PEX5L: variants seen among roughly 807,000 people sequenced by gnomAD.
PEX5L encodes the protein peroxisomal biogenesis factor 5 like.
PEX5L carries 30 observed loss-of-function variants against 84.0 expected under a neutral mutation model. The ratio of observed to expected loss-of-function variants is 0.36; its 90% CI spans 0.27 to 0.48. The LOEUF (loss-of-function observed/expected upper bound fraction) is 0.48. Ranked by LOEUF, PEX5L falls within the 20% of genes least tolerant of loss-of-function variation. PEX5L has a pLI of 0.99. For synonymous variants in PEX5L, 270 were observed against 283.1 expected (o/e 0.95, Z 0.46); for missense variants, 533 against 754.6 (o/e 0.71, Z 3.44).
At chr3:179,814,539 C>T (rs1015301381) in intron 10 of PEX5L, among the ~76,000 whole-genome samples, 5 of 152,116 alleles carry the variant, frequency 3.3e-5, no homozygotes, top group Admixed American at 1.3e-4. Context: ...GTATATATAC[C>T]GGTCGCTACA....
chr3:179,895,462 T>C (rs954676718), intron 3 of PEX5L: 5 of 152,160 alleles, frequency 3.3e-5, no homozygotes, highest in African/African-American at 1.2e-4. Flanking sequence ...CTATTTGATT[T>C]AAGTGTTAGT....
In PEX5L at chr3:179,799,920, G is replaced by A. The variant is rs574349146; in HGVS notation, c.*1908C>T. ...GGGTGGTCGCTGCTACCCATGATGA[G>A]TGCCTGAATGCCTCTGCCTTCTGCT... is the stretch of plus-strand genomic sequence containing the variant. On this transcript the variant is annotated 3_prime_UTR_variant, in exon 15 of 15. Transcript: ENST00000467460. 1.3e-5 allele frequency: 2 copies of A among 152,326 alleles called. No individual in the cohort carries two copies. Among genetic ancestry groups the A allele is most frequent in the East Asian group, 3.9e-4 (2 of 5,192 alleles). The allele number at this position is 152,326 out of a possible 1,614,324, so 9.4% of individuals were successfully genotyped here. A position where few individuals can be genotyped will look rare whatever the true frequency, so the allele number is the denominator to read the frequency against.
intron 2 of PEX5L, among the ~76,000 whole-genome samples, chr3:179,950,884 T>A (rs1288058083): frequency 6.6e-6 from 1 of 152,138 alleles, no homozygotes; most frequent in African/African-American, 2.4e-5. Context: ...AACGGAGACG[T>A]AAGAGGAGGC....
At chr3:179,919,058 A>G (rs935114171) in intron 2 of PEX5L, among the ~76,000 whole-genome samples, 1 of 152,142 alleles carries the variant, frequency 6.6e-6, no homozygotes, top group Non-Finnish European at 1.5e-5. Context: ...ATTTCATTCT[A>G]TGCTCTAGTG....
chr3:179,960,774 A>G (rs4855129), intron 2 of PEX5L, among the ~76,000 whole-genome samples: 67,414 of 152,048 alleles, frequency 0.44, 16,167 homozygotes, highest in East Asian at 0.89. Context: ...GATTAATGAA[A>G]TCCATCAACT....
chr3:179,893,082 C>A (rs369367709), intron 3 of PEX5L, among the ~76,000 whole-genome samples: 12 of 152,094 alleles, frequency 7.9e-5, no homozygotes, highest in African/African-American at 2.9e-4. Context: ...AATCAGAATG[C>A]AAAAGACTAT....
chr3:179,919,648 C>T (rs1263548792), intron 2 of PEX5L, among the ~76,000 whole-genome samples: 2 of 152,134 alleles, frequency 1.3e-5, no homozygotes, highest in Non-Finnish European at 2.9e-5. Context: ...CAGGCACTTC[C>T]ACACTCAACT....
intron 14 of PEX5L, among the ~76,000 whole-genome samples, chr3:179,807,228 C>T (rs1034218238): frequency 2.0e-5 from 3 of 151,568 alleles, no homozygotes; most frequent in African/African-American, 7.3e-5. Flanking sequence ...CTTAGTTTTG[C>T]TTTGCTAAAC....
chr3:179,954,203 TCG>T (rs141938003), intron 2 of PEX5L, among the ~76,000 whole-genome samples: 43,681 of 108,010 alleles, frequency 0.4, 7,345 homozygotes, highest in East Asian at 0.73. Context: ...TAACCATTAG[TCG>T]GGGGGGGGGG....
chr3:179,849,345 T>TGA (rs2108432739), intron 8 of PEX5L, among the ~76,000 whole-genome samples: 1 of 152,234 alleles, frequency 6.6e-6, no homozygotes, highest in East Asian at 1.9e-4. Context: ...TAAATATATA[T>TGA]GAAAATAAAT....
chr3:179,915,316 G>A (rs1209679909), intron 2 of PEX5L, among the ~76,000 whole-genome samples: 2 of 152,182 alleles, frequency 1.3e-5, no homozygotes, highest in African/African-American at 2.4e-5. Context: ...GAATTTTACC[G>A]TGCAGTAGTG....
In PEX5L at chr3:179,927,059, A is replaced by G. The variant is rs1356764196; in HGVS notation, c.94-28813T>C. ...TCTCAGTTAAAAAATGAAAGTTTGA[A>G]TTTTGTGAGCTCAAATTATTTTTAA... On this transcript the variant is annotated intron_variant, in intron 2 of 14. Transcript: ENST00000467460. Among the ~76,000 whole-genome samples, 3 of 152,312 alleles carry G rather than the reference A, an allele frequency of 2.0e-5. No homozygotes were observed. The East Asian group carries it at 5.8e-4, about 29-fold the overall frequency.
At chr3:179,908,868 T>C (rs1358783372) in intron 2 of PEX5L, among the ~76,000 whole-genome samples, 1 of 152,216 alleles carries the variant, frequency 6.6e-6, no homozygotes, top group Admixed American at 6.5e-5. Flanking sequence ...CAGTCTATCA[T>C]TGTTGGACAT....
chr3:179,829,656 G>A (rs558665854), intron 8 of PEX5L, among the ~76,000 whole-genome samples: 12 of 152,226 alleles, frequency 7.9e-5, no homozygotes, highest in African/African-American at 2.4e-4. Flanking sequence ...AGGAATGAAC[G>A]GGTTCTTTTC....
rs1470939840 is a variant in PEX5L at position 179,963,769 on chromosome 3, C to G, written c.93+7825G>C. Among the ~76,000 whole-genome samples the G allele has an allele frequency of 2.0e-5, 3 of 152,258 alleles. No individual in the cohort carries two copies. The East Asian group carries it at 5.8e-4, about 29-fold the overall frequency. ...CTGAAGCTGATACGTGCTGCCACCT[C>G]TACTGGGGCCAGCTCCCACCAAGTA... On this transcript the variant is annotated intron_variant, in intron 2 of 14. Coordinates refer to ENST00000467460, the MANE Select transcript of PEX5L (RefSeq NM_016559.3).
At position 179,813,599 on chromosome 3, in the gene PEX5L, G is replaced by T. The variant is rs1438394215; in HGVS notation, c.1084-1728C>A. Among the ~76,000 whole-genome samples the T allele has an allele frequency of 2.0e-5, 3 of 151,740 alleles. No individual in the cohort carries two copies. In the East Asian group the frequency reaches 5.8e-4, roughly 29 times the overall value. On this transcript the variant is annotated intron_variant, in intron 10 of 14. Coordinates refer to ENST00000467460, the MANE Select transcript of PEX5L (RefSeq NM_016559.3). ...CTGCAACCTCCGCCTCCTGGTTCAA[G>T]TGATTCTCCCACCTCAGCCTCCCGA...
At position 179,801,883 on chromosome 3, in the gene PEX5L, G is replaced by T; in HGVS notation, c.1826C>A (p.Ala609Glu). The change falls in exon 15 of 15, where the codon GCG (alanine) becomes GAG (glutamate). Residue 609 changes from alanine to glutamate, a missense_variant. Coordinates refer to ENST00000467460, the MANE Select transcript of PEX5L (RefSeq NM_016559.3). ...SLMDQPELFQ[A>E]ANLGDLDVLL... ...GACATCCAGGTCACCAAGATTAGCC[G>T]CCTGGAAGAGTTCTGGTTGGTCCAT... 1.9e-6 allele frequency: 3 copies of T among 1,613,912 alleles called. No individual in the cohort carries two copies. Among genetic ancestry groups the T allele is most frequent in the South Asian group, 1.1e-5 (1 of 91,062 alleles).
rs1332018251 is a variant in PEX5L, at chr3:179,971,661, C to T, written c.26G>A (p.Ser9Asn). The change falls in exon 2 of 15, where the codon AGT (serine) becomes AAT (asparagine). Residue 9 changes from serine to asparagine, a missense_variant. Ser to Asn is a conservative substitution (Grantham distance 46). Coordinates refer to ENST00000467460, the MANE Select transcript of PEX5L (RefSeq NM_016559.3). MYQGHMQK[S>N]KEQGYGKLSS... ...TAGTTTTCCATATCCTTGTTCTTTA[C>T]TTTTCTTGTGAAAGAATAATTTTAA... The T allele has an allele frequency of 1.3e-6, 2 of 1,599,704 alleles. No homozygotes were observed. Among genetic ancestry groups the T allele is most frequent in the African/African-American group, 2.7e-5 (2 of 74,434 alleles).
chr3:180,014,727 T>C lies in PEX5L; in HGVS notation c.21+21852A>G, dbSNP rs547218866. Among the ~76,000 whole-genome samples the C allele has an allele frequency of 1.4e-4, 22 of 152,280 alleles. 1 individual carries two copies. The highest frequency in any genetic ancestry group is 8.3e-4 in the South Asian group (4 of 4,832). On this transcript the variant is annotated intron_variant, in intron 1 of 14. Coordinates refer to ENST00000467460, the MANE Select transcript of PEX5L (RefSeq NM_016559.3). ...GTGTTCTATTTTATATGTATAATAC[T>C]ACTGGAAAAAAAATAAGGCAAGTCT... is the stretch of plus-strand genomic sequence containing the variant.
Sources: gnomAD v4.1 joint callset for allele counts (sites outside exome capture counted in the v4.1 genomes callset) on GRCh38, gnomAD v4.1.1 for gene constraint, MANE v1.5 for transcripts, NCBI Gene and HGNC (gene_info 2026-07-23, HGNC 2026-07-21) for gene names.